Variants in RBMS3 observed in about 807,000 individuals in gnomAD.
RBMS3 encodes RNA-binding motif, single-stranded-interacting protein 3.
A neutral mutation model predicts 66.8 loss-of-function variants in RBMS3; 27 were observed. That is an observed-to-expected ratio of 0.40 (90% CI 0.30 to 0.56). RBMS3 has a LOEUF of 0.56. Ranked by LOEUF, RBMS3 falls within the 20% of genes least tolerant of loss-of-function variation. RBMS3 has a pLI of 0.40. For missense variants in RBMS3, 513 were observed against 549.5 expected (o/e 0.93, Z 0.66); for synonymous variants, 188 against 183.0 (o/e 1.03, Z -0.22).
In RBMS3 at chr3:29,560,583, C is replaced by T. The variant is rs965171635; in HGVS notation, c.308-26531C>T. Among the ~76,000 whole-genome samples, 4 of 152,124 alleles carry T rather than the reference C, an allele frequency of 2.6e-5. No homozygotes were observed. In the South Asian group the frequency reaches 6.2e-4, roughly 24 times the overall value. Reference sequence around the variant, plus strand: ...CGTAAGGGTTGCAAAATGCTTCTCCCGCAACACCGCATATACAGCAAGTGG... The same window carrying T: ...CGTAAGGGTTGCAAAATGCTTCTCCTGCAACACCGCATATACAGCAAGTGG... On this transcript the variant is annotated intron_variant, in intron 3 of 14. Transcript: ENST00000383767.
intron 1 of RBMS3, among the ~76,000 whole-genome samples, chr3:29,339,705 T>G (rs772326947): frequency 2.0e-5 from 3 of 152,108 alleles, no homozygotes; most frequent in Non-Finnish European, 4.4e-5. Context: ...TGGCAAGAAC[T>G]GCTATCTAAA....
intron 4 of RBMS3, among the ~76,000 whole-genome samples, chr3:29,654,754 T>A (rs2149218586): frequency 6.8e-6 from 1 of 146,974 alleles, no homozygotes; most frequent in Admixed American, 7.0e-5. Flanking sequence ...CATGCCCAGT[T>A]AATTTTTGCG....
At chr3:29,969,373 T>C (rs901367479) in intron 12 of RBMS3, among the ~76,000 whole-genome samples, 1 of 152,240 alleles carries the variant, frequency 6.6e-6, no homozygotes, top group Non-Finnish European at 1.5e-5. Context: ...GGTTTAATTT[T>C]AAAAGAAATT....
At chr3:29,654,955 G>C (rs2050275597) in intron 4 of RBMS3, among the ~76,000 whole-genome samples, 1 of 152,058 alleles carries the variant, frequency 6.6e-6, no homozygotes, top group Non-Finnish European at 1.5e-5. Flanking sequence ...TGACCTGATA[G>C]AGATTGTGAC....
intron 1 of RBMS3, among the ~76,000 whole-genome samples, chr3:29,288,104 G>T (rs1323223528): frequency 6.6e-6 from 1 of 151,912 alleles, no homozygotes; most frequent in Non-Finnish European, 1.5e-5. Context: ...AAAGATAATA[G>T]ATCCTATCAT....
intron 6 of RBMS3, among the ~76,000 whole-genome samples, chr3:29,853,051 T>G (rs747960896): frequency 6.6e-6 from 1 of 152,128 alleles, no homozygotes; most frequent in Non-Finnish European, 1.5e-5. Context: ...AGAAAAGTAA[T>G]GCAGGAACAG....
intron 2 of RBMS3, among the ~76,000 whole-genome samples, chr3:29,476,531 T>A (rs1013663216): frequency 1.3e-5 from 2 of 152,210 alleles, no homozygotes; most frequent in Admixed American, 6.5e-5. Context: ...CTAGTATAGT[T>A]CCACAAGGAT....
intron 2 of RBMS3, among the ~76,000 whole-genome samples, chr3:29,440,944 A>T (rs555263202): frequency 6.6e-6 from 1 of 152,170 alleles, no homozygotes; most frequent in African/African-American, 2.4e-5. Flanking sequence ...GTCATCATGC[A>T]CTCCAGGGTA....
intron 6 of RBMS3, among the ~76,000 whole-genome samples, chr3:29,854,966 G>GAA (rs2059034489): frequency 6.6e-6 from 1 of 152,112 alleles, no homozygotes. Context: ...ATAGCTCCAG[G>GAA]AAAATGGCCC....
At chr3:29,610,065 C>G (rs1559507100) in intron 4 of RBMS3, among the ~76,000 whole-genome samples, 1 of 152,054 alleles carries the variant, frequency 6.6e-6, no homozygotes, top group East Asian at 1.9e-4. Context: ...GAATTAAAGC[C>G]TATTCTAAAA....
At chr3:29,512,918 T>C (rs2044472266) in intron 3 of RBMS3, among the ~76,000 whole-genome samples, 1 of 152,210 alleles carries the variant, frequency 6.6e-6, no homozygotes, top group African/African-American at 2.4e-5. Flanking sequence ...TGGAAAGCGC[T>C]GCTTGTCTGC....
intron 4 of RBMS3, among the ~76,000 whole-genome samples, chr3:29,695,272 G>A (rs1297327313): frequency 6.6e-6 from 1 of 151,992 alleles, no homozygotes; most frequent in Non-Finnish European, 1.5e-5. Context: ...ATGAATTCAG[G>A]TTTTGTGACT....
At chr3:29,503,438 G>T (rs905279364) in intron 3 of RBMS3, among the ~76,000 whole-genome samples, 3 of 151,658 alleles carry the variant, frequency 2.0e-5, no homozygotes, top group Non-Finnish European at 4.4e-5. Context: ...TTATTTCCTC[G>T]TACTCACTCT....
chr3:29,742,329 C>G (rs968839677), intron 5 of RBMS3, among the ~76,000 whole-genome samples: 33 of 152,234 alleles, frequency 2.2e-4, no homozygotes, highest in Admixed American at 1.8e-3. Flanking sequence ...CCACAGTGAG[C>G]CCTTCAATAT....
At chr3:29,818,655 A>G (rs982872852) in intron 6 of RBMS3, among the ~76,000 whole-genome samples, 1 of 152,144 alleles carries the variant, frequency 6.6e-6, no homozygotes. Context: ...AAAAACACTT[A>G]TTTGCTATGC....
At chr3:29,648,301 T>A in intron 4 of RBMS3, among the ~76,000 whole-genome samples, 1 of 139,742 alleles carries the variant, frequency 7.2e-6, no homozygotes, top group East Asian at 2.6e-4. Flanking sequence ...AGGGTCTCGC[T>A]GTGTCACCCA....
At chr3:29,499,615 C>T (rs1335115502) in intron 3 of RBMS3, among the ~76,000 whole-genome samples, 2 of 152,114 alleles carry the variant, frequency 1.3e-5, no homozygotes, top group African/African-American at 4.8e-5. Context: ...TTCTACTTCT[C>T]TTAAGAAAAG....
intron 3 of RBMS3, among the ~76,000 whole-genome samples, chr3:29,518,227 T>C (rs1297629616): frequency 2.6e-5 from 4 of 152,180 alleles, no homozygotes; most frequent in Non-Finnish European, 2.9e-5. Flanking sequence ...CTGTTTGTGG[T>C]TAAATTTGGA....
chr3:29,592,945 G>A (rs1030584857), intron 4 of RBMS3, among the ~76,000 whole-genome samples: 4 of 148,194 alleles, frequency 2.7e-5, no homozygotes, highest in African/African-American at 1.0e-4. Context: ...ACTCATAGGT[G>A]GGAATTGAAC....
Sources: gnomAD v4.1 joint callset for allele counts (sites outside exome capture counted in the v4.1 genomes callset) on GRCh38, gnomAD v4.1.1 for gene constraint, MANE v1.5 for transcripts, NCBI Gene and HGNC (gene_info 2026-07-23, HGNC 2026-07-21) for gene names.